Variants in DKK4 observed in about 807,000 individuals in gnomAD.
DKK4 encodes the protein dickkopf Wnt signaling pathway inhibitor 4.
A neutral mutation model predicts 14.5 loss-of-function variants in DKK4; 15 were observed. The ratio of observed to expected loss-of-function variants is 1.03; its 90% CI spans 0.69 to 1.59. The LOEUF is 1.59. DKK4 is among the 40% of genes most tolerant of loss of function. The pLI is 0.00. For synonymous variants in DKK4, 89 were observed against 105.2 expected, an observed-to-expected ratio of 0.85 and a Z score of 0.94; for missense variants, 272 against 280.3, an observed-to-expected ratio of 0.97 and a Z score of 0.21.
At chr8:42,380,510 A>T (rs866092096), upstream of DKK4, among the ~76,000 whole-genome samples, 334 of 96,576 alleles carry the variant, frequency 3.5e-3, no homozygotes, top group African/African-American at 0.039. Flanking sequence ...GAAGGAAGAA[A>T]AGAAAAGAAA....
the DKK4 span, among the ~76,000 whole-genome samples, chr8:42,388,128 C>T: frequency 3.9e-5 from 6 of 152,176 alleles, no homozygotes; most frequent in East Asian, 1.9e-4. Flanking sequence ...TTGTACTCCT[C>T]GCCTCACAGG....
intron 2 of DKK4, 25 bp downstream of exon 2, chr8:42,375,655 C>A (rs1364314364): frequency 6.2e-7 from 1 of 1,612,110 alleles, no homozygotes; most frequent in South Asian, 1.1e-5. Flanking sequence ...GGTTTAAAAA[C>A]CACTGTTGGC....
chr8:42,379,583 T>C (rs904684692), upstream of DKK4, among the ~76,000 whole-genome samples: 12 of 151,884 alleles, frequency 7.9e-5, no homozygotes, highest in African/African-American at 2.9e-4. Context: ...GGAGGACTTA[T>C]GAAGATATAA....
At chr8:42,379,382 G>GT (rs1824627480), upstream of DKK4, among the ~76,000 whole-genome samples, 1 of 15,902 alleles carries the variant, frequency 6.3e-5, no homozygotes, top group Non-Finnish European at 1.2e-4. Context: ...TATATATAGA[G>GT]AGAGAGAGAG....
upstream of DKK4, among the ~76,000 whole-genome samples, chr8:42,378,233 C>T (rs903240518): frequency 6.6e-6 from 1 of 152,112 alleles, no homozygotes; most frequent in African/African-American, 2.4e-5. Context: ...TGTTTCATTG[C>T]TCTTAGCATA....
the DKK4 span, among the ~76,000 whole-genome samples, chr8:42,387,344 C>CTTT: frequency 4.7e-3 from 209 of 44,908 alleles, 39 homozygotes; most frequent in Middle Eastern, 0.02. Context: ...GAAGGCCAGT[C>CTTT]TTTTTTTTTT....
chr8:42,376,242 C>T (rs931177114), intron 1 of DKK4, among the ~76,000 whole-genome samples: 1 of 152,102 alleles, frequency 6.6e-6, no homozygotes, highest in Admixed American at 6.5e-5. Flanking sequence ...TAGTGAATCA[C>T]ATTTAGCTTA....
At chr8:42,378,240 CAT>C, upstream of DKK4, among the ~76,000 whole-genome samples, 1 of 152,166 alleles carries the variant, frequency 6.6e-6, no homozygotes, top group East Asian at 1.9e-4. Flanking sequence ...TTGCTCTTAG[CAT>C]AGAGTCATCT....
chr8:42,375,931 G>A, intron 1 of DKK4, 101 bp from the exon 2 acceptor site: 1 of 1,431,390 alleles, frequency 7.0e-7, no homozygotes, highest in Admixed American at 2.1e-5. Flanking sequence ...AAGGACAGTG[G>A]CGCTGTGACA....
upstream of DKK4, among the ~76,000 whole-genome samples, chr8:42,379,378 T>TATATATAGAGAG (rs1166847600): frequency 8.7e-5 from 3 of 34,556 alleles, no homozygotes; most frequent in African/African-American, 1.3e-4. Context: ...TATATATATA[T>TATATATAGAGAG]AGAGAGAGAG....
chr8:42,386,122 G>A, the DKK4 span, among the ~76,000 whole-genome samples: 2 of 152,180 alleles, frequency 1.3e-5, no homozygotes, highest in South Asian at 2.1e-4. Context: ...TGTGTTGCCC[G>A]GGCTGGAGTG....
the DKK4 span, among the ~76,000 whole-genome samples, chr8:42,389,914 C>T: frequency 6.7e-6 from 1 of 148,898 alleles, no homozygotes; most frequent in African/African-American, 2.5e-5. Flanking sequence ...TTTTTTTAGA[C>T]GGAGTCTTGC....
rs758529240 is a variant in DKK4, at chr8:42,374,224, G to A, written c.551C>T (p.Thr184Ile). 1 of 1,613,416 alleles carries A rather than the reference G, an allele frequency of 6.2e-7. No homozygotes were observed. The highest frequency in any genetic ancestry group is 1.7e-5 in the Admixed American group (1 of 59,852). ...QVCSRRGHKD[T>I]AQAPEIFQRC... ...CTGGAAGATTTCTGGAGCTTGAGCA[G>A]TGTCTTTATGCCCTCTTCTGGAGCA... Residue 184 changes from threonine (T) to isoleucine (I), a missense_variant, in exon 4 of 4, where the codon ACT becomes ATT. Transcript: ENST00000220812.
At chr8:42,380,189 CT>C (rs1824646388), upstream of DKK4, among the ~76,000 whole-genome samples, 1 of 152,014 alleles carries the variant, frequency 6.6e-6, no homozygotes, top group African/African-American at 2.4e-5. Context: ...AAAAATTACC[CT>C]GGTGTGGTGG....
chr8:42,389,573 A>G, the DKK4 span, among the ~76,000 whole-genome samples: 1 of 152,076 alleles, frequency 6.6e-6, no homozygotes, highest in Non-Finnish European at 1.5e-5. Flanking sequence ...GTCAAATCTG[A>G]TATTTGCCTT....
At chr8:42,374,487 G>C in intron 3 of DKK4, 128 bp from the exon 4 acceptor site, 1 of 1,269,616 alleles carries the variant, frequency 7.9e-7, no homozygotes, top group Non-Finnish European at 1.1e-6. Flanking sequence ...CAGCACGCAG[G>C]TCTCACAGAG....
the DKK4 span, among the ~76,000 whole-genome samples, chr8:42,387,399 C>T: frequency 7.7e-6 from 1 of 130,510 alleles, no homozygotes; most frequent in Non-Finnish European, 1.6e-5. Flanking sequence ...CTCTTGTTGC[C>T]CAGGCTGGAG....
upstream of DKK4, among the ~76,000 whole-genome samples, chr8:42,380,919 GAAAA>G (rs1339052982): frequency 3.4e-5 from 5 of 145,868 alleles, no homozygotes; most frequent in Admixed American, 6.7e-5. Context: ...GAGAAAGAAA[GAAAA>G]AGAAAGAAGG....
upstream of DKK4, among the ~76,000 whole-genome samples, chr8:42,380,652 A>C (rs988494155): frequency 1.1e-5 from 1 of 94,152 alleles, no homozygotes; most frequent in Non-Finnish European, 1.7e-5. Context: ...AAGTGAGAGA[A>C]AGGAAGGAAG....
Sources: gnomAD v4.1 joint callset for allele counts (sites outside exome capture counted in the v4.1 genomes callset) on GRCh38, gnomAD v4.1.1 for gene constraint, MANE v1.5 for transcripts, NCBI Gene and HGNC (gene_info 2026-07-23, HGNC 2026-07-21) for gene names.